The following EXTL3 variants were observed in gnomAD, a reference collection of about 807,000 sequenced individuals.
EXTL3 encodes the protein exostosin like glycosyltransferase 3, also known as exostosin-like 3.
In EXTL3, 27 loss-of-function variants were observed where a neutral mutation model predicts 69.3. The ratio of observed to expected loss-of-function variants is 0.39; its 90% confidence interval spans 0.29 to 0.54. The LOEUF (loss-of-function observed/expected upper bound fraction) is 0.54, where lower values mean the gene tolerates loss of function less well. Ranked by LOEUF, EXTL3 falls within the 20% of genes least tolerant of loss-of-function variation. EXTL3 has a pLI of 0.69. For synonymous variants in EXTL3, 511 were observed against 499.4 expected (o/e 1.02, Z -0.31); for missense variants, 1,003 against 1,231.8 (o/e 0.81, Z 2.78).
At chr8:28,612,368 C>T (rs1242779837) in intron 2 of EXTL3, among the ~76,000 whole-genome samples, 2 of 151,582 alleles carry the variant, frequency 1.3e-5, no homozygotes. Context: ...GCAGCAGAAT[C>T]GCTTGAACCT....
intron 2 of EXTL3, among the ~76,000 whole-genome samples, chr8:28,612,732 T>G (rs1409520724): frequency 6.6e-6 from 1 of 152,204 alleles, no homozygotes; most frequent in Non-Finnish European, 1.5e-5. Flanking sequence ...TTGACTTTTT[T>G]TTTTTAGACA....
At chr8:28,747,286 C>T (rs1320440895) in intron 6 of EXTL3, among the ~76,000 whole-genome samples, 2 of 152,140 alleles carry the variant, frequency 1.3e-5, no homozygotes, top group Non-Finnish European at 2.9e-5. Context: ...CCGAAGGGTT[C>T]TAAGAGAGCA....
At chr8:28,703,269 G>A (rs1800850362) in intron 1 of EXTL3, among the ~76,000 whole-genome samples, 1 of 152,114 alleles carries the variant, frequency 6.6e-6, no homozygotes. Flanking sequence ...ATTGACAGGC[G>A]TATGTCTGTA....
chr8:28,731,464 AG>A, intron 4 of EXTL3, 114 bp downstream of exon 4: 1 of 1,121,370 alleles, frequency 8.9e-7, no homozygotes, highest in African/African-American at 1.5e-5. Flanking sequence ...GCAGATAGTC[AG>A]GGCTGATGTA....
intron 6 of EXTL3, among the ~76,000 whole-genome samples, chr8:28,746,487 G>C (rs1206862287): frequency 2.0e-5 from 3 of 152,074 alleles, no homozygotes; most frequent in Admixed American, 6.6e-5. Flanking sequence ...AGCATAAAAC[G>C]AATATTTTTC....
At position 28,657,305 on chromosome 8, in the gene EXTL3, A is replaced by G. The variant is rs74938433; in HGVS notation, c.-53+34495A>G. ...TTTGAATTGCTGGATAGAGAGTTTT[A>G]AACTCAGTGGGAGGAAGACTGGGGA... On this transcript the variant is annotated intron_variant, in intron 1 of 6. Coordinates refer to the EXTL3 transcript ENST00000523149. 2.4e-3 allele frequency among the ~76,000 whole-genome samples: 368 copies of G among 152,284 alleles called. 5 individuals carry two copies. In the East Asian group the frequency reaches 0.03, roughly 12 times the overall value.
chr8:28,668,942 C>A (rs1585241250), intron 1 of EXTL3, among the ~76,000 whole-genome samples: 4 of 144,232 alleles, frequency 2.8e-5, no homozygotes. Context: ...CAGCTCACTG[C>A]AACCTCCGTC....
rs1409456299 is a variant in EXTL3 at position 28,711,567 on chromosome 8, T to G, written c.-569-1890T>G. 7.9e-5 allele frequency among the ~76,000 whole-genome samples: 12 copies of G among 152,278 alleles called. No homozygotes were observed. The East Asian group carries it at 1.7e-3, about 22-fold the overall frequency. ...AAGGAGGAAATGAGCTCAGGGAGAT[T>G]ATGTAACATTCCCAAATTCTCAAGG... On this transcript the variant is annotated intron_variant, in intron 1 of 6. Coordinates refer to ENST00000220562, the MANE Select transcript of EXTL3 (RefSeq NM_001440.4).
At chr8:28,709,955 C>T (rs1222361310) in intron 1 of EXTL3, among the ~76,000 whole-genome samples, 1 of 152,146 alleles carries the variant, frequency 6.6e-6, no homozygotes, top group Non-Finnish European at 1.5e-5. Context: ...TACAGCTTTC[C>T]AGGGCTACTG....
At chr8:28,670,981 TTAA>T (rs10536945) in intron 1 of EXTL3, among the ~76,000 whole-genome samples, 64,159 of 150,296 alleles carry the variant, frequency 0.43, 16,175 homozygotes, top group Non-Finnish European at 0.58. Context: ...TTTTTTTTTT[TTAA>T]TTAATTTATT....
intron 1 of EXTL3, among the ~76,000 whole-genome samples, chr8:28,627,016 A>T (rs1336559434): frequency 6.6e-6 from 1 of 151,734 alleles, no homozygotes; most frequent in Non-Finnish European, 1.5e-5. Flanking sequence ...CCCTGTCTCC[A>T]CTAAAAATAC....
intron 1 of EXTL3, among the ~76,000 whole-genome samples, chr8:28,650,462 A>G (rs954534912): frequency 1.3e-5 from 2 of 151,750 alleles, no homozygotes; most frequent in African/African-American, 4.8e-5. Context: ...GGTTCAAGCG[A>G]TTCTCCTGCC....
At chr8:28,685,772 TTCTC>T (rs901644933) in intron 1 of EXTL3, 11 of 152,022 alleles carry the variant, frequency 7.2e-5, no homozygotes, top group African/African-American at 2.7e-4. Context: ...TTAGCACTTT[TTCTC>T]TCTCTCTTCC....
chr8:28,716,024 C>T lies in EXTL3; in HGVS notation c.-36C>T, dbSNP rs1261005295. 3 of 1,548,092 alleles carry T rather than the reference C, an allele frequency of 1.9e-6. No individual in the cohort carries two copies. In the African/African-American group the frequency reaches 4.1e-5, roughly 21 times the overall value. On this transcript the variant is annotated 5_prime_UTR_variant, in exon 3 of 7. Coordinates refer to ENST00000220562, the MANE Select transcript of EXTL3 (RefSeq NM_001440.4). The surrounding 1 kb of genome is among the most constrained non-coding windows in gnomAD (Gnocchi z 7.1). ...AGCAACCCATGGTTATGGCGAGTGACCCGACGTGATCTGGGGGGCAGGCTG... is the reference window on the plus strand; with the variant it reads ...AGCAACCCATGGTTATGGCGAGTGATCCGACGTGATCTGGGGGGCAGGCTG...
intron 1 of EXTL3, among the ~76,000 whole-genome samples, chr8:28,659,129 T>C (rs1445278920): frequency 6.6e-6 from 1 of 152,238 alleles, no homozygotes; most frequent in Non-Finnish European, 1.5e-5. Context: ...CCCACTTCCC[T>C]CCATGGGGTG....
chr8:28,685,800 A>G (rs1036960666), intron 1 of EXTL3: 1 of 151,770 alleles, frequency 6.6e-6, no homozygotes, highest in Admixed American at 6.6e-5. Flanking sequence ...GTGTGTGTGT[A>G]TATATGTATA....
At chr8:28,709,245 T>A (rs556566196) in intron 1 of EXTL3, among the ~76,000 whole-genome samples, 333 of 152,342 alleles carry the variant, frequency 2.2e-3, no homozygotes, top group Non-Finnish European at 3.8e-3. Context: ...TTCACGGGAT[T>A]GCTGTGAGGA....
chr8:28,755,948 C>T (rs1802115371), downstream of EXTL3, among the ~76,000 whole-genome samples: 1 of 152,184 alleles, frequency 6.6e-6, no homozygotes, highest in Admixed American at 6.5e-5. Context: ...ATGCCCCGTC[C>T]CTTCACCCAT....
At chr8:28,724,619 G>A (rs1801371201) in intron 3 of EXTL3, among the ~76,000 whole-genome samples, 2 of 148,622 alleles carry the variant, frequency 1.3e-5, no homozygotes, top group South Asian at 2.1e-4. Flanking sequence ...AAAAAAAAAA[G>A]AAGAAGAAAA....
Sources: gnomAD v4.1 joint callset for allele counts (sites outside exome capture counted in the v4.1 genomes callset) on GRCh38, gnomAD v4.1.1 for gene constraint, Gnocchi (gnomAD v3.1) non-coding constraint, MANE v1.5 for transcripts, NCBI Gene and HGNC (gene_info 2026-07-23, HGNC 2026-07-21) for gene names.